The following PRDM2 variants were observed in gnomAD, a reference collection of about 807,000 sequenced individuals.
The protein encoded by PRDM2 is PR/SET domain 2.
In PRDM2, 30 loss-of-function variants were observed where a neutral mutation model predicts 130.0. The ratio of observed to expected loss-of-function variants is 0.23; its 90% CI spans 0.17 to 0.31. The LOEUF (loss-of-function observed/expected upper bound fraction) is 0.31. Among genes scored for constraint, PRDM2 ranks in the 10% least tolerant of loss-of-function variants. The probability of loss-of-function intolerance (pLI) is 1.00; values close to 1 mark genes in which losing one functional copy is unlikely to be tolerated. For missense variants in PRDM2, 2,011 were observed against 2,108.4 expected (o/e 0.95, Z 0.90); for synonymous variants, 871 against 782.4 (o/e 1.11, Z -1.89).
chr1:13,773,019 GAATGAATGAATAAATAAAAAAAA>G, intron 6 of PRDM2, 36 bp from the exon 7 acceptor site: 1 of 958,860 alleles, frequency 1.0e-6, no homozygotes, highest in Non-Finnish European at 1.5e-6. Flanking sequence ...ATGAGGGAAT[GAATGAATGAATAAATAAAAAAAA>G]AATGAATGAA....
chr1:13,801,579 T>G (rs1266159907), intron 8 of PRDM2, among the ~76,000 whole-genome samples: 2 of 152,250 alleles, frequency 1.3e-5, no homozygotes, highest in Non-Finnish European at 2.9e-5. Flanking sequence ...CTAACTTCTC[T>G]GTGCCTTAGT....
chr1:13,774,191 C>T (rs1016050285), intron 7 of PRDM2, among the ~76,000 whole-genome samples: 2 of 152,148 alleles, frequency 1.3e-5, no homozygotes, highest in African/African-American at 2.4e-5. Context: ...AGACAGCTTG[C>T]CCTCTGCTCA....
intron 8 of PRDM2, among the ~76,000 whole-genome samples, chr1:13,815,781 A>G (rs1645247488): frequency 6.6e-6 from 1 of 152,178 alleles, no homozygotes; most frequent in Admixed American, 6.5e-5. Flanking sequence ...CTGTACAAAT[A>G]GTACAAAACC....
At chr1:13,757,930 A>T (rs913210479) in intron 6 of PRDM2, among the ~76,000 whole-genome samples, 15 of 152,126 alleles carry the variant, frequency 9.9e-5, no homozygotes, top group African/African-American at 3.1e-4. Context: ...AAAGAAGACC[A>T]GAAGGTGAAA....
At chr1:13,703,365 A>C (rs1282919400) in intron 1 of PRDM2, among the ~76,000 whole-genome samples, 2 of 152,326 alleles carry the variant, frequency 1.3e-5, no homozygotes, top group South Asian at 2.1e-4. Flanking sequence ...AGACATTTCC[A>C]AATAGCACTT....
intron 8 of PRDM2, among the ~76,000 whole-genome samples, chr1:13,793,685 G>A (rs1187204558): frequency 6.6e-6 from 1 of 152,192 alleles, no homozygotes; most frequent in Non-Finnish European, 1.5e-5. Flanking sequence ...CTAGGTAAGT[G>A]CGGAGCAATT....
rs745832897 is a variant in PRDM2, at chr1:13,773,134, C to A, written c.568C>A (p.Leu190Met). The A allele has an allele frequency of 1.3e-6, 2 of 1,579,470 alleles. No individual in the cohort carries two copies. The highest frequency in any genetic ancestry group is 1.7e-6 in the Non-Finnish European group (2 of 1,166,902). ...AGGAAACAAAATCCAAGACATACAA[C>A]TGAAGACAAGTGAGCCAGATTTCAC... ...NKGNKIQDIQ[L>M]KTSEPDFTSA... Residue 190 changes from leucine (L) to methionine (M), a missense_variant, in exon 7 of 10, where the codon CTG becomes ATG. By Grantham distance (15) the Leu-to-Met change is conservative (BLOSUM62 2). Around this residue, in one of 5 missense-constraint regions of PRDM2, gnomAD observed 1,288 missense variants for 1,237.7 expected, o/e 1.04. Transcript: ENST00000311066.
At chr1:13,733,501 C>T (rs973818448) in intron 4 of PRDM2, among the ~76,000 whole-genome samples, 7 of 152,190 alleles carry the variant, frequency 4.6e-5, no homozygotes, top group African/African-American at 7.2e-5. Context: ...AGATGCAGAA[C>T]TAGAATGCAT....
At chr1:13,747,716 T>G (rs566608791) in intron 5 of PRDM2, among the ~76,000 whole-genome samples, 1 of 149,896 alleles carries the variant, frequency 6.7e-6, no homozygotes, top group South Asian at 2.1e-4. Context: ...AGAAGGTATG[T>G]TGAAGTGAGG....
At chr1:13,790,443 T>C (rs1267264473) in intron 8 of PRDM2, among the ~76,000 whole-genome samples, 1 of 152,068 alleles carries the variant, frequency 6.6e-6, no homozygotes, top group Non-Finnish European at 1.5e-5. Context: ...GTGGTGGGCC[T>C]TGAGGGTGAA....
intron 8 of PRDM2, among the ~76,000 whole-genome samples, chr1:13,811,494 G>A (rs994537502): frequency 7.2e-5 from 11 of 152,220 alleles, no homozygotes; most frequent in South Asian, 2.1e-4. Flanking sequence ...GACAGGGGCC[G>A]GGCCTGGGGA....
intron 7 of PRDM2, among the ~76,000 whole-genome samples, chr1:13,775,474 G>A (rs1306852106): frequency 6.6e-6 from 1 of 152,204 alleles, no homozygotes; most frequent in Non-Finnish European, 1.5e-5. Flanking sequence ...ACTGTCGAAT[G>A]ACTGGTTTCC....
chr1:13,770,286 C>T (rs1372705451), intron 6 of PRDM2: 2 of 472,586 alleles, frequency 4.2e-6, no homozygotes, highest in Non-Finnish European at 8.4e-6. Flanking sequence ...GGTGCTCTAA[C>T]ATTCTTTTAG....
chr1:13,794,564 C>T (rs1309631054), intron 8 of PRDM2, among the ~76,000 whole-genome samples: 1 of 152,216 alleles, frequency 6.6e-6, no homozygotes, highest in Non-Finnish European at 1.5e-5. Context: ...TACTCAACCT[C>T]TCCGAGCCCG....
intron 2 of PRDM2, among the ~76,000 whole-genome samples, chr1:13,721,886 T>C (rs1642740739): frequency 1.3e-5 from 2 of 152,210 alleles, no homozygotes; most frequent in Admixed American, 6.5e-5. Flanking sequence ...CTCGGCTTAT[T>C]TGTGTTCACT....
chr1:13,779,601 C>G lies in PRDM2; in HGVS notation c.1806C>G (p.Leu602=). Residue 602 remains leucine (L), a synonymous_variant, in exon 8 of 10, where the codon CTC becomes CTG. Transcript: ENST00000311066. The surrounding 1 kb of genome is among the most constrained non-coding windows in gnomAD (Gnocchi z 4.9). ...ATTTGTATGGTATAAATTGTCTGCT[C>G]ACTCCAGTTACAGTGGAAATTACTC... The part of the protein sequence containing the change: ...SADLYGINCL[L]TPVTVEITQN... 1 of 1,614,004 alleles carries G rather than the reference C, an allele frequency of 6.2e-7. No homozygotes were observed. Among genetic ancestry groups the G allele is most frequent in the South Asian group, 1.1e-5 (1 of 91,038 alleles).
At chr1:13,793,193 C>A (rs1272412360) in intron 8 of PRDM2, among the ~76,000 whole-genome samples, 2 of 152,244 alleles carry the variant, frequency 1.3e-5, no homozygotes, top group Non-Finnish European at 2.9e-5. Flanking sequence ...ATGCTGCCCA[C>A]AGAGTGACCA....
intron 6 of PRDM2, among the ~76,000 whole-genome samples, chr1:13,753,487 A>G (rs1390416333): frequency 6.6e-6 from 1 of 152,022 alleles, no homozygotes; most frequent in Non-Finnish European, 1.5e-5. Context: ...TAAATTAAAA[A>G]CCTTGGTACT....
chr1:13,738,400 T>G (rs1643335624), intron 4 of PRDM2, among the ~76,000 whole-genome samples: 1 of 152,200 alleles, frequency 6.6e-6, no homozygotes, highest in South Asian at 2.1e-4. Context: ...GAAAATAAAT[T>G]ATTTGTCCAG....
Sources: gnomAD v4.1 joint callset for allele counts (sites outside exome capture counted in the v4.1 genomes callset) on GRCh38, gnomAD v4.1.1 for gene constraint, gnomAD v4.1.1 regional missense constraint, Gnocchi (gnomAD v3.1) non-coding constraint, MANE v1.5 for transcripts, NCBI Gene and HGNC (gene_info 2026-07-23, HGNC 2026-07-21) for gene names.